The following HIF1A variants were observed in gnomAD, a reference collection of about 807,000 sequenced individuals.
The protein encoded by HIF1A is hypoxia-inducible factor 1-alpha.
In HIF1A, 24 loss-of-function variants were observed where a neutral mutation model predicts 92.7. That is an observed-to-expected ratio of 0.26 (90% CI 0.19 to 0.36). The LOEUF is 0.36. HIF1A is among the 10% of genes least tolerant of loss of function. The pLI is 1.00. For synonymous variants in HIF1A, 319 were observed against 338.7 expected (o/e 0.94, Z 0.64); for missense variants, 799 against 998.5 (o/e 0.80, Z 2.69).
At chr14:61,741,705 C>T (rs1195517457) in intron 12 of HIF1A, among the ~76,000 whole-genome samples, 2 of 152,114 alleles carry the variant, frequency 1.3e-5, no homozygotes, top group African/African-American at 4.8e-5. Context: ...TCTAAAATTA[C>T]CTATCTAAAT....
intron 1 of HIF1A, chr14:61,697,658 A>G (rs531764042): frequency 2.6e-6 from 3 of 1,173,952 alleles, no homozygotes; most frequent in Admixed American, 4.5e-5. Context: ...GGATGGATTC[A>G]TATTTCTTAG....
chr14:61,727,495 A>G lies in HIF1A; in HGVS notation c.613A>G (p.Ser205Gly), dbSNP rs763977857. 9 of 1,613,854 alleles carry G rather than the reference A, an allele frequency of 5.6e-6. No homozygotes were observed. Among genetic ancestry groups the G allele is most frequent in the Non-Finnish European group, 7.6e-6 (9 of 1,179,938 alleles). The stretch of plus-strand genomic sequence containing the variant: ...CCACATTCACGTATATGATACCAAC[A>G]GTAACCAACCTCAGTGTGGGTATAA... ...TGHIHVYDTN[S>G]NQPQCGYKKP... The change falls in exon 6 of 15, where the codon AGT becomes GGT. Residue 205 changes from serine to glycine, a missense_variant. Physicochemically the swap from Ser to Gly is moderately conservative, Grantham distance 56 (BLOSUM62 0). This residue lies in a region of HIF1A where 516 missense variants were observed against 721.0 expected (regional missense o/e 0.72). Transcript: ENST00000337138.
intron 1 of HIF1A, among the ~76,000 whole-genome samples, chr14:61,713,919 C>T (rs1333225202): frequency 6.6e-6 from 1 of 152,118 alleles, no homozygotes; most frequent in Non-Finnish European, 1.5e-5. Flanking sequence ...GTGTCCGCTG[C>T]AGAACTGATT....
At chr14:61,732,780 G>A (rs1487107699) in intron 7 of HIF1A, among the ~76,000 whole-genome samples, 1 of 152,174 alleles carries the variant, frequency 6.6e-6, no homozygotes, top group African/African-American at 2.4e-5. Context: ...AAATATTATA[G>A]AGTATTGAAT....
chr14:61,720,616 G>A, intron 2 of HIF1A, 44 bp downstream of exon 2: 1 of 1,218,900 alleles, frequency 8.2e-7, no homozygotes, highest in Non-Finnish European at 1.1e-6. Context: ...AAAATTAGAA[G>A]TTAGAAGTAA....
chr14:61,724,367 C>CTCTCTCTCTCTCTG (rs2044474831), intron 4 of HIF1A, among the ~76,000 whole-genome samples: 1 of 149,968 alleles, frequency 6.7e-6, no homozygotes, highest in Non-Finnish European at 1.5e-5. Flanking sequence ...CTCTCTCTCT[C>CTCTCTCTCTCTCTG]TCTCTCTCTC....
intron 5 of HIF1A, 24 bp downstream of exon 5, chr14:61,726,842 G>T: frequency 7.7e-7 from 1 of 1,300,402 alleles, no homozygotes; most frequent in South Asian, 1.3e-5. Context: ...ATTTGTGATT[G>T]ATTATACACT....
chr14:61,732,735 C>G (rs778265004), intron 7 of HIF1A, among the ~76,000 whole-genome samples: 33 of 152,272 alleles, frequency 2.2e-4, no homozygotes, highest in Non-Finnish European at 4.4e-4. Flanking sequence ...GAAAAAACTT[C>G]CTGGCATTTT....
chr14:61,734,129 C>A lies in HIF1A; in HGVS notation c.881-9C>A. ...TTCTCTGCATGATTCTTTTTCTTTT[C>A]CCCCCTAGTGTTTACTAAAGGACAA... On this transcript the variant is annotated splice_polypyrimidine_tract_variant and intron_variant, in intron 7 of 14. Coordinates refer to ENST00000337138, the MANE Select transcript of HIF1A (RefSeq NM_001530.4). 6.6e-7 allele frequency: 1 copy of A among 1,507,792 alleles called. No individual in the cohort carries two copies. Among genetic ancestry groups the A allele is most frequent in the Non-Finnish European group, 8.9e-7 (1 of 1,125,432 alleles). The allele number at this position is 1,507,792 out of a possible 1,614,324, so 93.4% of individuals were successfully genotyped here.
chr14:61,724,349 T>TTCTCTCCCTCTCTC (rs2044472677), intron 4 of HIF1A, among the ~76,000 whole-genome samples: 1 of 96,096 alleles, frequency 1.0e-5, no homozygotes, highest in Non-Finnish European at 2.1e-5. Context: ...CACACACACA[T>TTCTCTCCCTCTCTC]TCTCTCTCTC....
chr14:61,698,467 G>A (rs2044140558), intron 1 of HIF1A, among the ~76,000 whole-genome samples: 1 of 152,208 alleles, frequency 6.6e-6, no homozygotes, highest in African/African-American at 2.4e-5. Context: ...ATGAGATAAT[G>A]CTTGTGAAGC....
chr14:61,731,167 G>GT (rs879814485), intron 6 of HIF1A, among the ~76,000 whole-genome samples: 4,024 of 148,098 alleles, frequency 0.027, 75 homozygotes, highest in Middle Eastern at 0.031. Flanking sequence ...GTTAGGTAGG[G>GT]TTTTTTTTTT....
At chr14:61,703,507 G>A (rs1233802016) in intron 1 of HIF1A, among the ~76,000 whole-genome samples, 4 of 151,910 alleles carry the variant, frequency 2.6e-5, no homozygotes, top group Admixed American at 6.6e-5. Context: ...TACTTGGCTT[G>A]TATACCTTTG....
chr14:61,709,899 T>C lies in HIF1A; in HGVS notation c.36-10483T>C, dbSNP rs73329687. On this transcript the variant is annotated intron_variant, in intron 1 of 14. Transcript: ENST00000337138. ...TTCAGAGTTTTTTGACAAATGCAGG[T>C]ACAGTGATAGTGTCAGTTCATGGTG... Among the ~76,000 whole-genome samples the C allele has an allele frequency of 5.4e-3, 828 of 152,328 alleles. 6 individuals carry two copies. The highest frequency in any genetic ancestry group is 0.017 in the African/African-American group (727 of 41,580).
At chr14:61,720,247 A>T (rs2044410645) in intron 1 of HIF1A, 135 bp from the exon 2 acceptor site, 4 of 603,282 alleles carry the variant, frequency 6.6e-6, no homozygotes, top group Non-Finnish European at 1.1e-5. Flanking sequence ...TAGTAGACAA[A>T]TCTCCATGTA....
At chr14:61,711,477 G>T (rs1594862648) in intron 1 of HIF1A, among the ~76,000 whole-genome samples, 1 of 152,206 alleles carries the variant, frequency 6.6e-6, no homozygotes, top group East Asian at 1.9e-4. Flanking sequence ...AGCGATAAGG[G>T]AACTAATCTT....
At chr14:61,695,991 C>G in intron 1 of HIF1A, 152 bp downstream of exon 1, 2 of 701,844 alleles carry the variant, frequency 2.8e-6, no homozygotes, top group Non-Finnish European at 4.6e-6. Context: ...CTTCCCCCAA[C>G]CTCGCCGGCC....
intron 1 of HIF1A, among the ~76,000 whole-genome samples, chr14:61,701,686 G>T (rs974220508): frequency 3.9e-5 from 6 of 152,104 alleles, no homozygotes; most frequent in Non-Finnish European, 8.8e-5. Context: ...ATCCCAAGTA[G>T]GCTGAATTTG....
intron 4 of HIF1A, among the ~76,000 whole-genome samples, chr14:61,722,083 T>A (rs2044437597): frequency 9.0e-6 from 1 of 111,022 alleles, no homozygotes; most frequent in Non-Finnish European, 2.1e-5. Flanking sequence ...GAGTTACAAA[T>A]AACTTTTTTT....
Sources: allele counts gnomAD v4.1 joint callset (sites outside exome capture counted in the v4.1 genomes callset), GRCh38; gene constraint gnomAD v4.1.1; regional missense constraint gnomAD v4.1.1; transcripts MANE v1.5; gene names NCBI Gene and HGNC (gene_info 2026-07-23, HGNC 2026-07-21).